The following RPS6KA2 variants were observed in gnomAD, a reference collection of about 807,000 sequenced individuals.
RPS6KA2 encodes the protein ribosomal protein S6 kinase A2.
A neutral mutation model predicts 91.8 loss-of-function variants in RPS6KA2; 42 were observed. The ratio of observed to expected loss-of-function variants is 0.46; its 90% CI spans 0.36 to 0.59. The LOEUF is 0.59. Ranked by LOEUF, RPS6KA2 falls within the 20% of genes least tolerant of loss-of-function variation. The pLI is 0.00. For synonymous variants in RPS6KA2, 414 were observed against 393.6 expected, an observed-to-expected ratio of 1.05 and a Z score of -0.61; for missense variants, 798 against 978.5, an observed-to-expected ratio of 0.82 and a Z score of 2.46.
chr6:166,504,683 A>G, intron 5 of RPS6KA2, 71 bp from the exon 6 acceptor site: 3 of 1,113,936 alleles, frequency 2.7e-6, no homozygotes, highest in Non-Finnish European at 4.0e-6. Context: ...GTTTTAAAGA[A>G]CTCTGCCAGA....
At chr6:166,425,238 A>C (rs1778868154) in intron 16 of RPS6KA2, among the ~76,000 whole-genome samples, 1 of 152,104 alleles carries the variant, frequency 6.6e-6, no homozygotes, top group African/African-American at 2.4e-5. Flanking sequence ...TTTAAAAATT[A>C]TTATTCTTTT....
intron 2 of RPS6KA2, among the ~76,000 whole-genome samples, chr6:166,857,464 T>C (rs980080596): frequency 6.6e-6 from 1 of 152,228 alleles, no homozygotes; most frequent in African/African-American, 2.4e-5. Flanking sequence ...TGCTGGCCAG[T>C]GTCTCCCTGA....
In RPS6KA2 at chr6:166,554,648, C is replaced by T. The variant is rs1784125835; in HGVS notation, c.100-15864G>A. On this transcript the variant is annotated intron_variant, in intron 1 of 20. Coordinates refer to ENST00000265678, the MANE Select transcript of RPS6KA2 (RefSeq NM_021135.6). This position sits in a 1 kb window ranked among gnomAD's most constrained non-coding sequence, Gnocchi z 4.3. ...GGGGTCCCACTCCAGCACAGGACTC[C>T]ATCCTCCTCCACTGCAGCCTGAAAG... Among the ~76,000 whole-genome samples, 1 of 152,234 alleles carries T rather than the reference C, an allele frequency of 6.6e-6. No individual in the cohort carries two copies. The highest frequency in any genetic ancestry group is 1.5e-5 in the Non-Finnish European group (1 of 68,042).
intron 2 of RPS6KA2, among the ~76,000 whole-genome samples, chr6:166,681,481 A>G (rs1049233950): frequency 6.6e-5 from 10 of 152,136 alleles, no homozygotes; most frequent in African/African-American, 2.4e-4. Flanking sequence ...TCCTACCCCT[A>G]ATTCCTCTCT....
chr6:166,582,636 G>A (rs764062448), intron 1 of RPS6KA2, among the ~76,000 whole-genome samples: 5 of 152,114 alleles, frequency 3.3e-5, no homozygotes, highest in South Asian at 2.1e-4. Flanking sequence ...AAAATGAAAT[G>A]GCATTTATTT....
At chr6:166,854,003 A>G (rs548228759) in intron 2 of RPS6KA2, among the ~76,000 whole-genome samples, 1 of 152,338 alleles carries the variant, frequency 6.6e-6, no homozygotes, top group African/African-American at 2.4e-5. Context: ...CCCTTCAAGT[A>G]ATCTCTTAAA....
At chr6:166,520,531 C>T (rs908384043) in intron 3 of RPS6KA2, among the ~76,000 whole-genome samples, 1 of 152,146 alleles carries the variant, frequency 6.6e-6, no homozygotes, top group Non-Finnish European at 1.5e-5. Context: ...ATATCCATCC[C>T]GTTGGTTGTG....
chr6:166,797,858 C>A (rs376511554), intron 2 of RPS6KA2, among the ~76,000 whole-genome samples: 1 of 152,038 alleles, frequency 6.6e-6, no homozygotes, highest in Non-Finnish European at 1.5e-5. Flanking sequence ...GTGTAACCGC[C>A]GGGTCCAGAC....
At chr6:166,570,756 T>G (rs987786720) in intron 1 of RPS6KA2, among the ~76,000 whole-genome samples, 4 of 152,192 alleles carry the variant, frequency 2.6e-5, no homozygotes, top group African/African-American at 9.7e-5. Context: ...AAATATTTAA[T>G]AGTGAATATT....
intron 2 of RPS6KA2, among the ~76,000 whole-genome samples, chr6:166,809,090 A>G (rs925052144): frequency 2.0e-5 from 3 of 152,226 alleles, no homozygotes; most frequent in African/African-American, 7.2e-5. Flanking sequence ...ACAGAAGCTC[A>G]GCATCACAAG....
intron 2 of RPS6KA2, among the ~76,000 whole-genome samples, chr6:166,824,040 A>G (rs1030458986): frequency 6.6e-6 from 1 of 151,854 alleles, no homozygotes. Flanking sequence ...CTATAATTCT[A>G]TCTCTGGTTG....
intron 1 of RPS6KA2, among the ~76,000 whole-genome samples, chr6:166,859,120 T>C (rs1780984253): frequency 6.6e-6 from 1 of 152,286 alleles, no homozygotes; most frequent in South Asian, 2.1e-4. Context: ...TAGTTTCATC[T>C]TCTCACCTAG....
At chr6:166,526,330 T>G (rs1421026979) in intron 3 of RPS6KA2, among the ~76,000 whole-genome samples, 1 of 149,940 alleles carries the variant, frequency 6.7e-6, no homozygotes, top group Non-Finnish European at 1.5e-5. Flanking sequence ...TATTCTTCTA[T>G]GTTTATATGG....
intron 1 of RPS6KA2, among the ~76,000 whole-genome samples, chr6:166,621,826 G>A (rs1285495634): frequency 2.0e-5 from 3 of 152,160 alleles, no homozygotes; most frequent in Non-Finnish European, 4.4e-5. Context: ...TGGTTGACCC[G>A]AACGTTGCCT....
chr6:166,501,555 C>T (rs1782029319), intron 6 of RPS6KA2, among the ~76,000 whole-genome samples: 1 of 152,224 alleles, frequency 6.6e-6, no homozygotes, highest in South Asian at 2.1e-4. Flanking sequence ...CCTTGTCACG[C>T]CATGTGCCGG....
intron 4 of RPS6KA2, among the ~76,000 whole-genome samples, chr6:166,509,122 G>A (rs769491474): frequency 6.6e-6 from 1 of 152,200 alleles, no homozygotes; most frequent in Non-Finnish European, 1.5e-5. Context: ...CATCATAAAT[G>A]TGGGGGTTTT....
At chr6:166,608,023 A>ACC (rs1786016950) in intron 1 of RPS6KA2, among the ~76,000 whole-genome samples, 1 of 152,066 alleles carries the variant, frequency 6.6e-6, no homozygotes, top group Non-Finnish European at 1.5e-5. Context: ...AAGAAAAAAA[A>ACC]AAAAAAGAGA....
intron 2 of RPS6KA2, among the ~76,000 whole-genome samples, chr6:166,822,766 A>G (rs1779934877): frequency 6.6e-6 from 1 of 151,452 alleles, no homozygotes; most frequent in Admixed American, 6.6e-5. Context: ...TGCCTCACAC[A>G]TAGGGGCTCA....
intron 2 of RPS6KA2, among the ~76,000 whole-genome samples, chr6:166,670,699 C>T (rs976782080): frequency 1.2e-4 from 18 of 152,184 alleles, no homozygotes; most frequent in Admixed American, 9.8e-4. Context: ...CCTTTGTATT[C>T]ACAATTTTGA....
Sources: gnomAD v4.1 joint callset for allele counts (sites outside exome capture counted in the v4.1 genomes callset) on GRCh38, gnomAD v4.1.1 for gene constraint, Gnocchi (gnomAD v3.1) non-coding constraint, MANE v1.5 for transcripts, NCBI Gene and HGNC (gene_info 2026-07-23, HGNC 2026-07-21) for gene names.